Variants in PTPRT observed in about 807,000 individuals in gnomAD.
The protein encoded by PTPRT is receptor-type tyrosine-protein phosphatase T.
PTPRT carries 56 observed loss-of-function variants against 176.8 expected under a neutral mutation model. The ratio of observed to expected loss-of-function variants is 0.32; its 90% CI spans 0.26 to 0.40. The LOEUF is 0.40. Ranked by LOEUF, PTPRT falls within the 10% of genes least tolerant of loss-of-function variation. The pLI, the probability that PTPRT is intolerant of heterozygous loss-of-function variation, is 1.00. For missense variants in PTPRT, 1,540 were observed against 1,908.2 expected, an observed-to-expected ratio of 0.81 and a Z score of 3.60; for synonymous variants, 783 against 739.0, an observed-to-expected ratio of 1.06 and a Z score of -0.96.
intron 7 of PTPRT, among the ~76,000 whole-genome samples, chr20:42,623,164 T>A (rs918917747): frequency 6.6e-6 from 1 of 152,204 alleles, no homozygotes; most frequent in East Asian, 1.9e-4. Flanking sequence ...GCCTCATTCT[T>A]CCTAGACTCC....
chr20:42,883,958 C>T (rs1379438862), intron 2 of PTPRT, among the ~76,000 whole-genome samples: 4 of 151,830 alleles, frequency 2.6e-5, no homozygotes, highest in Non-Finnish European at 5.9e-5. Flanking sequence ...CCCATACACC[C>T]CCATACACAC....
Position 42,080,079 on chromosome 20 carries a change from CAGCCCA to C in PTPRT, c.*794_*799del, listed in dbSNP as rs1317397761. The C allele has an allele frequency of 8.6e-6, 2 of 232,836 alleles. No homozygotes were observed. The highest frequency in any genetic ancestry group is 1.7e-5 in the Non-Finnish European group (2 of 117,810). The allele number at this position is 232,836 out of a possible 1,614,324, so 14.4% of individuals were successfully genotyped here. A position where few individuals can be genotyped will look rare whatever the true frequency, so the allele number is the denominator to read the frequency against. Reference sequence around the variant, plus strand: ...AACACAGGGGTTACATCCTACAGGTCAGCCCAAGCCCTGCCCCAGGGAGGTGGTCCC... The same window carrying C: ...AACACAGGGGTTACATCCTACAGGTCAGCCCTGCCCCAGGGAGGTGGTCCC... On this transcript the variant is annotated 3_prime_UTR_variant, in exon 31 of 31. Transcript: ENST00000373187.
chr20:42,789,848 T>C (rs910989491), intron 3 of PTPRT, among the ~76,000 whole-genome samples: 1 of 152,194 alleles, frequency 6.6e-6, no homozygotes, highest in African/African-American at 2.4e-5. Flanking sequence ...ATTGCCTCAT[T>C]AAGGTAAACC....
intron 1 of PTPRT, among the ~76,000 whole-genome samples, chr20:42,985,011 G>A (rs1983491237): frequency 6.6e-6 from 1 of 152,322 alleles, no homozygotes; most frequent in South Asian, 2.1e-4. Flanking sequence ...CAGGAAGAAG[G>A]AATGAGGAAT....
intron 1 of PTPRT, among the ~76,000 whole-genome samples, chr20:43,036,389 G>A (rs1266821839): frequency 6.6e-6 from 1 of 152,040 alleles, no homozygotes; most frequent in East Asian, 1.9e-4. Context: ...GCACCACTAT[G>A]CCCAGCTTTA....
intron 1 of PTPRT, among the ~76,000 whole-genome samples, chr20:43,029,684 T>C (rs1463944615): frequency 3.3e-5 from 5 of 152,258 alleles, no homozygotes; most frequent in South Asian, 2.1e-4. Flanking sequence ...AGGAAGATTA[T>C]ATATCCCAGA....
intron 6 of PTPRT, among the ~76,000 whole-genome samples, chr20:42,739,380 G>C (rs1309088906): frequency 2.0e-5 from 3 of 152,178 alleles, no homozygotes; most frequent in African/African-American, 7.2e-5. Flanking sequence ...AGGAGGAAGA[G>C]GTAGGAGGAA....
At chr20:42,479,882 T>G (rs1419874009) in intron 7 of PTPRT, among the ~76,000 whole-genome samples, 4 of 152,186 alleles carry the variant, frequency 2.6e-5, no homozygotes, top group Admixed American at 6.5e-5. Flanking sequence ...AGATATCTTA[T>G]AAATATAAGC....
intron 9 of PTPRT, among the ~76,000 whole-genome samples, chr20:42,427,959 A>G (rs2059181283): frequency 6.6e-6 from 1 of 152,042 alleles, no homozygotes; most frequent in South Asian, 2.1e-4. Flanking sequence ...TTACCTTCCC[A>G]AATCCTATAA....
At chr20:43,102,248 ATC>A (rs111672972) in intron 1 of PTPRT, among the ~76,000 whole-genome samples, 48 of 145,920 alleles carry the variant, frequency 3.3e-4, no homozygotes, top group Non-Finnish European at 4.5e-4. Flanking sequence ...TTCACTGGAC[ATC>A]TCTCTCTCTC....
At chr20:42,596,031 G>A (rs905287256) in intron 7 of PTPRT, among the ~76,000 whole-genome samples, 3 of 152,134 alleles carry the variant, frequency 2.0e-5, no homozygotes, top group Admixed American at 1.3e-4. Context: ...AGTAGGAAGA[G>A]AAGAAGAGCC....
chr20:42,453,944 C>G (rs1177659497), intron 8 of PTPRT, among the ~76,000 whole-genome samples: 1 of 151,910 alleles, frequency 6.6e-6, no homozygotes, highest in South Asian at 2.1e-4. Context: ...GGTGATACAC[C>G]TGTGTTGGCC....
At chr20:42,989,675 T>C (rs1293114397) in intron 1 of PTPRT, among the ~76,000 whole-genome samples, 4 of 152,168 alleles carry the variant, frequency 2.6e-5, no homozygotes, top group Admixed American at 6.5e-5. Context: ...TGATTCCATT[T>C]CCCCAGCCAC....
chr20:42,811,451 A>C (rs539389287), intron 2 of PTPRT, among the ~76,000 whole-genome samples: 126 of 152,312 alleles, frequency 8.3e-4, no homozygotes, highest in African/African-American at 3.0e-3. Context: ...TTAAAACAAA[A>C]TTGAAAGAAA....
In PTPRT at chr20:42,073,214, A is replaced by G. The variant is rs1982458807; in HGVS notation, c.*7665T>C. The G allele has an allele frequency of 5.3e-6, 1 of 189,100 alleles. No individual in the cohort carries two copies. The highest frequency in any genetic ancestry group is 1.1e-5 in the Non-Finnish European group (1 of 89,586). The allele number at this position is 189,100 out of a possible 1,614,324, so 11.7% of individuals were successfully genotyped here. A position where few individuals can be genotyped will look rare whatever the true frequency, so the allele number is the denominator to read the frequency against. On this transcript the variant is annotated 3_prime_UTR_variant, in exon 31 of 31. Transcript: ENST00000373187. Reference sequence around the variant, plus strand: ...AGCGGGAACCTTGGGATAGCTTGTGAGGGTGTCCAGAAGCCAAGGCAATGG... The same window carrying G: ...AGCGGGAACCTTGGGATAGCTTGTGGGGGTGTCCAGAAGCCAAGGCAATGG...
At chr20:43,096,248 G>A (rs905667225) in intron 1 of PTPRT, among the ~76,000 whole-genome samples, 4 of 150,658 alleles carry the variant, frequency 2.7e-5, no homozygotes, top group South Asian at 4.2e-4. Context: ...CTCTCTCTCC[G>A]ACCCTATTTG....
At chr20:42,779,450 C>T (rs2077183347) in intron 4 of PTPRT, among the ~76,000 whole-genome samples, 1 of 152,178 alleles carries the variant, frequency 6.6e-6, no homozygotes, top group Non-Finnish European at 1.5e-5. Flanking sequence ...GCTGGCATTC[C>T]AGGTATCCCT....
At chr20:43,157,258 G>A (rs1218962937) in intron 1 of PTPRT, among the ~76,000 whole-genome samples, 6 of 152,082 alleles carry the variant, frequency 3.9e-5, no homozygotes, top group Non-Finnish European at 8.8e-5. Context: ...TACTTGGGGA[G>A]GGGGTGGAGG....
chr20:42,406,323 C>G (rs1417404461), intron 9 of PTPRT, among the ~76,000 whole-genome samples: 2 of 151,526 alleles, frequency 1.3e-5, no homozygotes, highest in Non-Finnish European at 2.9e-5. Flanking sequence ...GAGAGTATAA[C>G]ATATTAAAAA....
Sources: allele counts gnomAD v4.1 joint callset (sites outside exome capture counted in the v4.1 genomes callset), GRCh38; gene constraint gnomAD v4.1.1; transcripts MANE v1.5; gene names NCBI Gene and HGNC (gene_info 2026-07-23, HGNC 2026-07-21).